FOXP1: variants seen among roughly 807,000 people sequenced by gnomAD.
FOXP1 encodes the protein forkhead box P1, also known as forkhead box protein P1.
Under a neutral mutation model 98.2 loss-of-function variants are expected in FOXP1, and 15 were observed. The ratio of observed to expected loss-of-function variants is 0.15; its 90% CI spans 0.10 to 0.24. FOXP1 has a LOEUF of 0.24. Ranked by LOEUF, FOXP1 falls within the 10% of genes least tolerant of loss-of-function variation. The probability of loss-of-function intolerance (pLI) is 1.00; values close to 1 mark genes in which losing one functional copy is unlikely to be tolerated. For missense variants in FOXP1, 633 were observed against 848.5 expected (o/e 0.75, Z 3.15); for synonymous variants, 371 against 314.5 (o/e 1.18, Z -1.90).
At position 71,391,796 on chromosome 3, in the gene FOXP1, T is replaced by G. The variant is rs553626492; in HGVS notation, c.-167-32552A>C. 5.9e-5 allele frequency among the ~76,000 whole-genome samples: 9 copies of G among 152,316 alleles called. No homozygotes were observed. The East Asian group carries it at 1.3e-3, about 23-fold the overall frequency. The stretch of plus-strand genomic sequence containing the variant: ...TATTAAGAAAATTTCACTGCAGCAA[T>G]CTATATCTGTGAGAACAGCTGGTGT... On this transcript the variant is annotated intron_variant, in intron 3 of 20. Transcript: ENST00000649528.
At chr3:71,244,959 G>GA (rs11304053) in intron 5 of FOXP1, 33,865 of 141,572 alleles carry the variant, frequency 0.24, 4,125 homozygotes, top group Admixed American at 0.28. Context: ...AGTGAGGGGG[G>GA]AAAAAAAAAA....
At chr3:71,280,399 C>A (rs1026851281) in intron 5 of FOXP1, among the ~76,000 whole-genome samples, 1 of 151,378 alleles carries the variant, frequency 6.6e-6, no homozygotes, top group Non-Finnish European at 1.5e-5. Flanking sequence ...CAGCTCACTG[C>A]AACCTCCGCC....
chr3:70,994,505 T>TC (rs1476574769), intron 13 of FOXP1, among the ~76,000 whole-genome samples: 2 of 152,112 alleles, frequency 1.3e-5, no homozygotes, highest in Non-Finnish European at 2.9e-5. Flanking sequence ...AACAACCCTT[T>TC]CCACTGTCAC....
intron 7 of FOXP1, among the ~76,000 whole-genome samples, chr3:71,097,058 T>A (rs570801383): frequency 6.6e-6 from 1 of 152,176 alleles, no homozygotes; most frequent in African/African-American, 2.4e-5. Context: ...GGATAAACAA[T>A]TGCTAGATTT....
chr3:71,396,709 G>C (rs539532798), intron 3 of FOXP1, among the ~76,000 whole-genome samples: 2 of 139,374 alleles, frequency 1.4e-5, no homozygotes, highest in East Asian at 3.9e-4. Flanking sequence ...TTTAAAAAAT[G>C]TTTAAGAAGA....
At chr3:71,466,644 A>G (rs2088773938) in intron 3 of FOXP1, among the ~76,000 whole-genome samples, 2 of 152,148 alleles carry the variant, frequency 1.3e-5, no homozygotes, top group Non-Finnish European at 2.9e-5. Context: ...GCAGAAAACA[A>G]CACTGGACAA....
intron 6 of FOXP1, among the ~76,000 whole-genome samples, chr3:71,191,774 C>A (rs1302081794): frequency 6.6e-6 from 1 of 152,128 alleles, no homozygotes; most frequent in Non-Finnish European, 1.5e-5. Context: ...AGTGTTGTGG[C>A]TGCTTTTTCT....
intron 5 of FOXP1, among the ~76,000 whole-genome samples, chr3:71,296,831 T>A (rs1344814346): frequency 6.6e-6 from 1 of 152,164 alleles, no homozygotes; most frequent in Non-Finnish European, 1.5e-5. Context: ...GCTCTATTAG[T>A]TCATGACAAA....
intron 2 of FOXP1, among the ~76,000 whole-genome samples, chr3:71,540,214 A>C (rs1294925416): frequency 6.6e-6 from 1 of 152,272 alleles, no homozygotes; most frequent in African/African-American, 2.4e-5. Flanking sequence ...TCCCAGCTAG[A>C]AAGTTCAAGA....
chr3:71,501,665 T>C (rs908457253), intron 2 of FOXP1, among the ~76,000 whole-genome samples: 10 of 152,136 alleles, frequency 6.6e-5, no homozygotes, highest in African/African-American at 9.7e-5. Flanking sequence ...TACAAAAAAA[T>C]AGAAAGAATG....
intron 1 of FOXP1, chr3:71,581,959 G>C (rs912204497): frequency 2.1e-6 from 2 of 973,576 alleles, no homozygotes; most frequent in Non-Finnish European, 2.4e-6. Context: ...ACAACAAAAA[G>C]GAGGGGGGAG....
intron 4 of FOXP1, among the ~76,000 whole-genome samples, chr3:71,314,085 C>T (rs2074902048): frequency 6.6e-6 from 1 of 152,062 alleles, no homozygotes; most frequent in Non-Finnish European, 1.5e-5. Flanking sequence ...AGAATAAATG[C>T]ATTGACATGT....
chr3:71,166,518 C>T (rs2061407166), intron 6 of FOXP1, among the ~76,000 whole-genome samples: 1 of 152,096 alleles, frequency 6.6e-6, no homozygotes, highest in South Asian at 2.1e-4. Context: ...GTGTTTGGCC[C>T]ATCTGTTTAA....
intron 5 of FOXP1, among the ~76,000 whole-genome samples, chr3:71,203,022 T>C (rs1251578063): frequency 3.3e-5 from 5 of 152,194 alleles, no homozygotes; most frequent in Non-Finnish European, 7.4e-5. Flanking sequence ...CTAACTGCCT[T>C]GCTCCATGAC....
intron 2 of FOXP1, among the ~76,000 whole-genome samples, chr3:71,521,747 T>G (rs571953041): frequency 1.1e-4 from 17 of 152,310 alleles, no homozygotes; most frequent in Non-Finnish European, 1.8e-4. Context: ...TTGGAAGATA[T>G]GAGGAGAGGA....
At chr3:71,344,981 C>T (rs1048007272) in intron 4 of FOXP1, among the ~76,000 whole-genome samples, 8 of 152,206 alleles carry the variant, frequency 5.3e-5, no homozygotes, top group Non-Finnish European at 1.2e-4. Context: ...ACATTCTATA[C>T]TGCATATATC....
intron 6 of FOXP1, among the ~76,000 whole-genome samples, chr3:71,158,727 CA>C (rs71104421): frequency 0.64 from 72,181 of 112,870 alleles, 23,145 homozygotes; most frequent in Non-Finnish European, 0.74. Context: ...GCCCACAGAC[CA>C]AAAAAAAAAA....
intron 3 of FOXP1, among the ~76,000 whole-genome samples, chr3:71,359,829 T>C (rs2078428053): frequency 6.6e-6 from 1 of 152,066 alleles, no homozygotes; most frequent in South Asian, 2.1e-4. Context: ...TTCTTCTATC[T>C]CCAAGGCTAG....
intron 3 of FOXP1, among the ~76,000 whole-genome samples, chr3:71,366,296 TTAAA>T (rs2107947788): frequency 6.6e-6 from 1 of 152,328 alleles, no homozygotes; most frequent in South Asian, 2.1e-4. Context: ...CTGTCTTATC[TTAAA>T]TGTCTATCAA....
Sources: gnomAD v4.1 joint callset for allele counts (sites outside exome capture counted in the v4.1 genomes callset) on GRCh38, gnomAD v4.1.1 for gene constraint, MANE v1.5 for transcripts, NCBI Gene and HGNC (gene_info 2026-07-23, HGNC 2026-07-21) for gene names.